Variants in TRDN observed in about 807,000 individuals in gnomAD.
The protein encoded by TRDN is triadin in skeletal muscle.
In TRDN, 161 loss-of-function variants were observed where a neutral mutation model predicts 149.7. The observed-to-expected ratio is 1.08, with a 90% CI of 0.95 to 1.23. TRDN has a LOEUF of 1.23. Among genes scored for constraint, TRDN ranks in the 50% most tolerant of loss-of-function variants. The pLI, the probability that TRDN is intolerant of heterozygous loss-of-function variation, is 0.00. For missense variants in TRDN, 896 were observed against 823.5 expected, an observed-to-expected ratio of 1.09 and a Z score of -1.08; for synonymous variants, 294 against 250.5, an observed-to-expected ratio of 1.17 and a Z score of -1.64.
intron 39 of TRDN, among the ~76,000 whole-genome samples, chr6:123,221,866 T>C (rs1157559499): frequency 6.6e-6 from 1 of 151,680 alleles, no homozygotes; most frequent in Non-Finnish European, 1.5e-5. Flanking sequence ...AGAATTACAA[T>C]TTGGTAAGGG....
At chr6:123,343,717 T>G (rs1374816550) in intron 21 of TRDN, among the ~76,000 whole-genome samples, 1 of 151,964 alleles carries the variant, frequency 6.6e-6, no homozygotes, top group Non-Finnish European at 1.5e-5. Flanking sequence ...ATTGTGCACA[T>G]GTACCCTGAA....
rs1371843518 is a variant in TRDN at position 123,571,083 on chromosome 6, C to G, written c.72G>C (p.Val24=). 6.2e-7 allele frequency: 1 copy of G among 1,613,916 alleles called. No homozygotes were observed. Among genetic ancestry groups the G allele is most frequent in the Admixed American group, 1.7e-5 (1 of 60,014 alleles). ...TTVIDSKNGS[V]PKSPGKVLKR... is the part of the protein sequence containing the mutation. ...TCAGCACTTTTCCGGGGGATTTGGG[C>G]ACAGATCCATTTTTGCTGTCTATCA... The change falls in exon 2 of 41, where the codon GTG becomes GTC. Residue 24 remains valine, a synonymous_variant. Transcript: ENST00000334268.
intron 12 of TRDN, among the ~76,000 whole-genome samples, chr6:123,423,994 C>T (rs1294499290): frequency 6.6e-6 from 1 of 152,078 alleles, no homozygotes; most frequent in Non-Finnish European, 1.5e-5. Flanking sequence ...CCCATTTGAG[C>T]CTACATGGTT....
intron 9 of TRDN, among the ~76,000 whole-genome samples, chr6:123,478,640 G>A (rs1442067250): frequency 6.6e-6 from 1 of 152,052 alleles, no homozygotes; most frequent in South Asian, 2.1e-4. Flanking sequence ...AAAGTGGATG[G>A]ATTAAATTCT....
intron 16 of TRDN, among the ~76,000 whole-genome samples, chr6:123,379,061 T>C (rs1048047401): frequency 1.3e-5 from 2 of 152,206 alleles, no homozygotes; most frequent in Admixed American, 1.3e-4. Flanking sequence ...AAGAAATACT[T>C]TAACATACCC....
chr6:123,375,970 A>T (rs1258357889), intron 18 of TRDN, among the ~76,000 whole-genome samples: 2 of 152,166 alleles, frequency 1.3e-5, no homozygotes, highest in African/African-American at 4.8e-5. Context: ...CAAAGTCTAT[A>T]AAATAGTGTG....
At chr6:123,261,568 T>C (rs1776773234) in intron 33 of TRDN, among the ~76,000 whole-genome samples, 1 of 151,724 alleles carries the variant, frequency 6.6e-6, no homozygotes, top group South Asian at 2.1e-4. Flanking sequence ...AAAATAAAAA[T>C]TCTCTGGTAG....
At chr6:123,460,640 T>C (rs1214149029) in intron 10 of TRDN, among the ~76,000 whole-genome samples, 3 of 151,922 alleles carry the variant, frequency 2.0e-5, no homozygotes, top group African/African-American at 7.3e-5. Context: ...TATTTTATTA[T>C]TTTATTTTAT....
At chr6:123,560,243 C>A (rs1781911915) in intron 2 of TRDN, among the ~76,000 whole-genome samples, 1 of 152,150 alleles carries the variant, frequency 6.6e-6, no homozygotes, top group Non-Finnish European at 1.5e-5. Context: ...GACGCATATA[C>A]TTTCTGCCCC....
At chr6:123,631,957 C>T (rs1382194464) in intron 1 of TRDN, among the ~76,000 whole-genome samples, 1 of 152,000 alleles carries the variant, frequency 6.6e-6, no homozygotes, top group South Asian at 2.1e-4. Flanking sequence ...AAGACAACCA[C>T]AATACGGTTA....
At chr6:123,620,420 C>T (rs1420035010) in intron 1 of TRDN, among the ~76,000 whole-genome samples, 10 of 152,048 alleles carry the variant, frequency 6.6e-5, no homozygotes, top group South Asian at 2.1e-4. Flanking sequence ...AAAACTTATT[C>T]GGAATTTTCT....
intron 4 of TRDN, among the ~76,000 whole-genome samples, chr6:123,546,042 C>T (rs952345819): frequency 7.9e-5 from 12 of 151,980 alleles, no homozygotes; most frequent in East Asian, 3.9e-4. Flanking sequence ...TGAAAATAAA[C>T]GTGCATAAGC....
chr6:123,548,454 C>A lies in TRDN; in HGVS notation c.391G>T (p.Gly131Ter). 6.4e-7 allele frequency: 1 copy of A among 1,553,294 alleles called. No homozygotes were observed. Among genetic ancestry groups the A allele is most frequent in the East Asian group, 2.3e-5 (1 of 43,402 alleles). ...AGATATATCTCTATGTTCTTTGTACCTTTATCAGTATCTTCGTCACCATCA... is the reference window on the plus strand; with the variant it reads ...AGATATATCTCTATGTTCTTTGTACATTTATCAGTATCTTCGTCACCATCA... ...DDDGDEDTDK[G>*]EIDEPPLRKK... is the part of the protein sequence containing the mutation. Residue 131 changes from glycine (G) to a stop codon, truncating the protein, a stop_gained and splice_region_variant, in exon 3 of 41, where the codon GGA (glycine) becomes TGA (stop). Coordinates refer to ENST00000334268, the MANE Select transcript of TRDN (RefSeq NM_006073.4). LOFTEE classifies it high-confidence loss of function.
chr6:123,596,050 G>T (rs913387059), intron 1 of TRDN, among the ~76,000 whole-genome samples: 16 of 152,102 alleles, frequency 1.1e-4, no homozygotes, highest in Admixed American at 1.0e-3. Flanking sequence ...TAGGCCAAAA[G>T]CTAGGCCTTT....
At chr6:123,478,912 T>C (rs2114763547) in intron 9 of TRDN, among the ~76,000 whole-genome samples, 1 of 152,320 alleles carries the variant, frequency 6.6e-6, no homozygotes, top group African/African-American at 2.4e-5. Flanking sequence ...TGGTTCTCAA[T>C]ACATTTGTTT....
At chr6:123,524,070 G>C (rs909652170) in intron 5 of TRDN, among the ~76,000 whole-genome samples, 1 of 152,110 alleles carries the variant, frequency 6.6e-6, no homozygotes, top group Non-Finnish European at 1.5e-5. Context: ...CTCCAGGCTG[G>C]AGTACGCACA....
intron 24 of TRDN, among the ~76,000 whole-genome samples, chr6:123,290,462 A>G (rs1345170650): frequency 5.9e-5 from 9 of 152,208 alleles, no homozygotes; most frequent in African/African-American, 2.2e-4. Context: ...TCTAAAATTT[A>G]ACAGAATTTT....
At chr6:123,566,591 C>T (rs58773281) in intron 2 of TRDN, among the ~76,000 whole-genome samples, 1 of 152,318 alleles carries the variant, frequency 6.6e-6, no homozygotes, top group Admixed American at 6.5e-5. Flanking sequence ...GAGTAACTGA[C>T]AGTTGCCCTG....
At chr6:123,219,893 G>A (rs1456540499) in intron 40 of TRDN, among the ~76,000 whole-genome samples, 1 of 151,828 alleles carries the variant, frequency 6.6e-6, no homozygotes, top group Non-Finnish European at 1.5e-5. Context: ...GCTAAAAGTA[G>A]AAGGGCCCAT....
Sources: allele counts gnomAD v4.1 joint callset (sites outside exome capture counted in the v4.1 genomes callset), GRCh38; gene constraint gnomAD v4.1.1; transcripts MANE v1.5; gene names NCBI Gene and HGNC (gene_info 2026-07-23, HGNC 2026-07-21).